Variants in GMDS observed in about 807,000 individuals in gnomAD.
GMDS encodes GDP-mannose 4,6 dehydratase.
A neutral mutation model predicts 49.9 loss-of-function variants in GMDS; 20 were observed. That is an observed-to-expected ratio of 0.40 (90% confidence interval 0.28 to 0.58). The LOEUF is 0.58. Among genes scored for constraint, GMDS ranks in the 20% least tolerant of loss-of-function variants. The pLI is 0.42. For missense variants in GMDS, 362 were observed against 481.4 expected (o/e 0.75, Z 2.32); for synonymous variants, 177 against 178.6 (o/e 0.99, Z 0.07).
At chr6:2,203,742 C>T (rs556920116) in intron 1 of GMDS, among the ~76,000 whole-genome samples, 2 of 152,298 alleles carry the variant, frequency 1.3e-5, no homozygotes, top group East Asian at 3.9e-4. Context: ...AATAACTCTA[C>T]CAGGTTTTCT....
At chr6:1,969,604 C>T (rs1296924881) in intron 4 of GMDS, among the ~76,000 whole-genome samples, 5 of 152,084 alleles carry the variant, frequency 3.3e-5, no homozygotes, top group Admixed American at 6.6e-5. Flanking sequence ...TTCAGTGGGG[C>T]GGCCTCTAAG....
Position 2,226,552 on chromosome 6 carries a change from A to G in GMDS, c.102+18769T>C, listed in dbSNP as rs1780819758. Among the ~76,000 whole-genome samples, 3 of 152,376 alleles carry G rather than the reference A, an allele frequency of 2.0e-5. No homozygotes were observed. In the South Asian group the frequency reaches 6.2e-4, roughly 32 times the overall value. ...CAATAGCCCCAACAACAGAGATATT[A>G]TAACCCTCCTATCAGAATACACAGA... On this transcript the variant is annotated intron_variant, in intron 1 of 10. Transcript: ENST00000380815.
intron 8 of GMDS, among the ~76,000 whole-genome samples, chr6:1,738,512 C>G (rs907914649): frequency 6.6e-6 from 1 of 152,122 alleles, no homozygotes; most frequent in Non-Finnish European, 1.5e-5. Context: ...AACATTACAA[C>G]GGATAAATTT....
At chr6:2,021,274 C>A (rs1249332740) in intron 4 of GMDS, among the ~76,000 whole-genome samples, 2 of 152,138 alleles carry the variant, frequency 1.3e-5, no homozygotes, top group Non-Finnish European at 2.9e-5. Context: ...TTCTAAGGAG[C>A]CAAATGCTGA....
chr6:1,719,437 G>T (rs1766288932), intron 9 of GMDS, among the ~76,000 whole-genome samples: 1 of 152,198 alleles, frequency 6.6e-6, no homozygotes, highest in African/African-American at 2.4e-5. Flanking sequence ...TAAAGAAGGT[G>T]CTGGGAAAAC....
chr6:1,965,159 CAT>C (rs1764195738), intron 4 of GMDS, among the ~76,000 whole-genome samples: 1 of 152,032 alleles, frequency 6.6e-6, no homozygotes, highest in African/African-American at 2.4e-5. Flanking sequence ...TTTATAGCAG[CAT>C]GATTTATAAT....
In GMDS at chr6:2,006,034, T is replaced by C. The variant is rs367743679; in HGVS notation, c.346-45068A>G. ...ACACTAATGACCTCCAAATCCTCAT[T>C]TCTAATTCAATCACCTTCTGAGTTC... On this transcript the variant is annotated intron_variant, in intron 4 of 10. Coordinates refer to ENST00000380815, the MANE Select transcript of GMDS (RefSeq NM_001500.4). Among the ~76,000 whole-genome samples the C allele has an allele frequency of 2.0e-4, 30 of 152,182 alleles. 2 individuals are homozygous for C. The South Asian group carries it at 5.6e-3, about 28-fold the overall frequency.
At chr6:1,719,922 A>G (rs1212029832) in intron 9 of GMDS, among the ~76,000 whole-genome samples, 3 of 152,214 alleles carry the variant, frequency 2.0e-5, no homozygotes, top group African/African-American at 7.2e-5. Context: ...AAATGAGGAT[A>G]GTCAGCCATC....
chr6:2,014,746 T>C (rs1399662233), intron 4 of GMDS, among the ~76,000 whole-genome samples: 1 of 152,016 alleles, frequency 6.6e-6, no homozygotes, highest in African/African-American at 2.4e-5. Context: ...GCAATGTAAA[T>C]AGTCTAAATA....
intron 9 of GMDS, among the ~76,000 whole-genome samples, chr6:1,671,168 G>A (rs1234881217): frequency 2.6e-5 from 4 of 152,138 alleles, no homozygotes; most frequent in African/African-American, 7.2e-5. Context: ...GTCAATCAGC[G>A]GCACTGAGCT....
chr6:1,804,385 C>T (rs1352218329), intron 7 of GMDS, among the ~76,000 whole-genome samples: 7 of 152,252 alleles, frequency 4.6e-5, no homozygotes, highest in Admixed American at 3.3e-4. Flanking sequence ...GCCCATGTGG[C>T]GCACCCCGGC....
At chr6:2,062,022 G>A (rs185979405) in intron 4 of GMDS, among the ~76,000 whole-genome samples, 6 of 152,214 alleles carry the variant, frequency 3.9e-5, no homozygotes, top group East Asian at 3.9e-4. Context: ...CTACAAGTTC[G>A]GCAGCTGAAT....
intron 9 of GMDS, among the ~76,000 whole-genome samples, chr6:1,696,051 T>C (rs1352265335): frequency 6.6e-6 from 1 of 150,742 alleles, no homozygotes; most frequent in Non-Finnish European, 1.5e-5. Flanking sequence ...AACTCACACA[T>C]AGAGAAAGTG....
intron 4 of GMDS, among the ~76,000 whole-genome samples, chr6:2,034,578 T>G (rs544179573): frequency 1.4e-4 from 21 of 152,242 alleles, no homozygotes; most frequent in African/African-American, 4.3e-4. Context: ...TCAACAACGC[T>G]GTTATTAAAA....
At chr6:2,100,489 CTATTT>C (rs576861584) in intron 4 of GMDS, among the ~76,000 whole-genome samples, 76 of 152,104 alleles carry the variant, frequency 5.0e-4, no homozygotes, top group Non-Finnish European at 8.2e-4. Context: ...ATGCAACCAA[CTATTT>C]TATTTTATAA....
At chr6:1,907,187 A>AT (rs1242966292) in intron 7 of GMDS, among the ~76,000 whole-genome samples, 2 of 152,194 alleles carry the variant, frequency 1.3e-5, no homozygotes, top group African/African-American at 4.8e-5. Flanking sequence ...ATGGCTTGGC[A>AT]TGCACGTGTC....
At chr6:1,803,392 T>G (rs1042169757) in intron 7 of GMDS, among the ~76,000 whole-genome samples, 1 of 152,166 alleles carries the variant, frequency 6.6e-6, no homozygotes, top group African/African-American at 2.4e-5. Flanking sequence ...CCACAATTTT[T>G]TTTTTCTTTT....
At chr6:1,711,757 T>C (rs1479250929) in intron 9 of GMDS, among the ~76,000 whole-genome samples, 1 of 152,204 alleles carries the variant, frequency 6.6e-6, no homozygotes, top group African/African-American at 2.4e-5. Flanking sequence ...TTAAGTGACT[T>C]GGGAAACTTG....
rs956490056 is a variant in GMDS, at chr6:2,189,062, TGGA to T, written c.102+56256_102+56258del. On this transcript the variant is annotated intron_variant, in intron 1 of 10. Coordinates refer to ENST00000380815, the MANE Select transcript of GMDS (RefSeq NM_001500.4). Reference sequence around the variant, plus strand: ...CAAATTTCATAGTTATATGAACTGGTGGAGAACACTGAATCCAGTAAAACCAAT... The same window carrying T: ...CAAATTTCATAGTTATATGAACTGGTGAACACTGAATCCAGTAAAACCAAT... Among the ~76,000 whole-genome samples the T allele has an allele frequency of 2.6e-5, 4 of 152,112 alleles. 1 individual carries two copies. Among genetic ancestry groups the T allele is most frequent in the African/African-American group, 9.7e-5 (4 of 41,404 alleles).
Sources: gnomAD v4.1 joint callset for allele counts (sites outside exome capture counted in the v4.1 genomes callset) on GRCh38, gnomAD v4.1.1 for gene constraint, MANE v1.5 for transcripts, NCBI Gene and HGNC (gene_info 2026-07-23, HGNC 2026-07-21) for gene names.